Variants in SLC6A15 observed in about 807,000 individuals in gnomAD.
SLC6A15 encodes sodium-dependent neutral amino acid transporter B(0)AT2.
A neutral mutation model predicts 68.5 loss-of-function variants in SLC6A15; 33 were observed. That is an observed-to-expected ratio of 0.48 (90% CI 0.37 to 0.64). The LOEUF (loss-of-function observed/expected upper bound fraction) is 0.64, where lower values mean the gene tolerates loss of function less well. Among genes scored for constraint, SLC6A15 ranks in the 30% least tolerant of loss-of-function variants. SLC6A15 has a pLI of 0.00. For missense variants in SLC6A15, 747 were observed against 874.3 expected (o/e 0.85, Z 1.84); for synonymous variants, 347 against 301.0 (o/e 1.15, Z -1.58).
chr12:84,881,574 C>T (rs1235667109), intron 5 of SLC6A15: 2 of 985,250 alleles, frequency 2.0e-6, no homozygotes, highest in Non-Finnish European at 2.4e-6. Context: ...TCTTTTAATT[C>T]ATGCAGTTTC....
In SLC6A15 at chr12:84,861,879, G is replaced by C; in HGVS notation, c.1946C>G (p.Ser649Cys). 1.9e-6 allele frequency: 3 copies of C among 1,613,904 alleles called. No homozygotes were observed. The highest frequency in any genetic ancestry group is 2.5e-6 in the Non-Finnish European group (3 of 1,179,928). Residue 649 changes from serine (S) to cysteine (C), a missense_variant, in exon 12 of 12, where the codon TCT becomes TGT. Transcript: ENST00000266682. Reference sequence around the variant, plus strand: ...ATAGGTCACAGATGCTAAATTACCAGAACTATCATCTATAAGGTTGAAGCG... The same window carrying C: ...ATAGGTCACAGATGCTAAATTACCACAACTATCATCTATAAGGTTGAAGCG... ...VRRFNLIDDS[S>C]GNLASVTYKR...
chr12:84,892,421 G>A (rs948088277), intron 1 of SLC6A15, 113 bp from the exon 2 acceptor site: 3 of 205,122 alleles, frequency 1.5e-5, no homozygotes, highest in African/African-American at 6.9e-5. Context: ...TATAAAACAT[G>A]TAACTGTCTT....
chr12:84,899,488 G>T lies in SLC6A15; in HGVS notation c.-188-7180C>A, dbSNP rs949584218. Among the ~76,000 whole-genome samples the T allele has an allele frequency of 2.6e-5, 4 of 152,154 alleles. No homozygotes were observed. The East Asian group carries it at 7.7e-4, about 29-fold the overall frequency. ...AGGCTGTAAATACTACCGTAGTCAT[G>T]GACATTGGTTCCTAGTTTTCAGAAC... On this transcript the variant is annotated intron_variant, in intron 1 of 11. Coordinates refer to ENST00000266682, the MANE Select transcript of SLC6A15 (RefSeq NM_182767.6).
intron 1 of SLC6A15, among the ~76,000 whole-genome samples, chr12:84,902,700 G>A (rs1872942283): frequency 6.6e-6 from 1 of 151,906 alleles, no homozygotes; most frequent in South Asian, 2.1e-4. Context: ...CAACTTGCAT[G>A]TACCTAAAGG....
At position 84,888,888 on chromosome 12, in the gene SLC6A15, T is replaced by C. The variant is rs1276894367; in HGVS notation, c.290-2820A>G. On this transcript the variant is annotated intron_variant, in intron 2 of 11. Transcript: ENST00000266682. ...TTACTCCTGTCTCCCACTCTTTTTT[T>C]GTCCCTGAAGCAAGTCACAGACACA... is the stretch of plus-strand genomic sequence containing the variant. Among the ~76,000 whole-genome samples, 5 of 152,198 alleles carry C rather than the reference T, an allele frequency of 3.3e-5. No homozygotes were observed. In the East Asian group the frequency reaches 5.8e-4, roughly 18 times the overall value.
intron 2 of SLC6A15, among the ~76,000 whole-genome samples, chr12:84,889,958 T>C: frequency 6.6e-6 from 1 of 152,232 alleles, no homozygotes; most frequent in East Asian, 1.9e-4. Flanking sequence ...TACCTTTTTT[T>C]TCTATTACTC....
rs994021465 is a variant in SLC6A15, at chr12:84,886,167, T to C, written c.290-99A>G. ...TAAAGATAATATTTGAATTACTATA[T>C]AGTGCAATTATGGAGAGCTCTGAAG... On this transcript the variant is annotated intron_variant, in intron 2 of 11. Transcript: ENST00000266682. 5.9e-5 allele frequency: 46 copies of C among 774,072 alleles called. No homozygotes were observed. The East Asian group carries it at 1.1e-3, about 19-fold the overall frequency. 48.0% of individuals were successfully genotyped at this position (774,072 alleles called of 1,614,324 possible).
At chr12:84,885,397 T>A (rs1211201396) in intron 4 of SLC6A15, 38 bp downstream of exon 4, 2 of 1,533,892 alleles carry the variant, frequency 1.3e-6, no homozygotes, top group East Asian at 2.4e-5. Context: ...ACTCTTATAA[T>A]GCTTAAATAC....
intron 6 of SLC6A15, among the ~76,000 whole-genome samples, chr12:84,875,462 G>T (rs1381768099): frequency 6.6e-6 from 1 of 151,596 alleles, no homozygotes; most frequent in African/African-American, 2.4e-5. Flanking sequence ...CAAGGCAGCC[G>T]CCAGGAGTGA....
intron 10 of SLC6A15, 84 bp downstream of exon 10, chr12:84,866,950 C>G: frequency 8.4e-7 from 1 of 1,189,464 alleles, no homozygotes; most frequent in Non-Finnish European, 1.1e-6. Context: ...TCATTTATTT[C>G]CTCTTCTAAA....
At position 84,873,282 on chromosome 12, in the gene SLC6A15, T is replaced by C; in HGVS notation, c.914A>G (p.Gln305Arg). 1 of 1,614,086 alleles carries C rather than the reference T, an allele frequency of 6.2e-7. No individual in the cohort carries two copies. The highest frequency in any genetic ancestry group is 8.5e-7 in the Non-Finnish European group (1 of 1,179,976). Residue 305 changes from glutamine (Q) to arginine (R), a missense_variant, in exon 7 of 12, where the codon CAA (glutamine) becomes CGA (arginine). Gln to Arg is a conservative substitution (Grantham distance 43). Coordinates refer to ENST00000266682, the MANE Select transcript of SLC6A15 (RefSeq NM_182767.6). ...TCCCAGACCTAAGGCAAAGAACACT[T>C]GAGTAGCAGCTTCTCTCCAGACCTT... ...EPKVWREAATQVFFALGLGFG... is the reference protein window; with the variant it reads ...EPKVWREAATRVFFALGLGFG...
At chr12:84,870,328 T>A in intron 9 of SLC6A15, 150 bp downstream of exon 9, 1 of 305,092 alleles carries the variant, frequency 3.3e-6, no homozygotes, top group Non-Finnish European at 5.8e-6. Context: ...TAAAATAAAA[T>A]AAATTATACA....
At chr12:84,911,074 G>T (rs1348803591) in intron 1 of SLC6A15, among the ~76,000 whole-genome samples, 2 of 152,140 alleles carry the variant, frequency 1.3e-5, no homozygotes, top group Non-Finnish European at 2.9e-5. Flanking sequence ...GACATAAATA[G>T]GTCTGTGTTT....
chr12:84,866,900 C>T, intron 10 of SLC6A15, 134 bp downstream of exon 10: 1 of 709,494 alleles, frequency 1.4e-6, no homozygotes, highest in South Asian at 3.0e-5. Flanking sequence ...CAGTGAGAGC[C>T]TGCAAAAGGT....
At chr12:84,898,265 A>T (rs1465176241) in intron 1 of SLC6A15, among the ~76,000 whole-genome samples, 2 of 152,036 alleles carry the variant, frequency 1.3e-5, no homozygotes, top group African/African-American at 4.8e-5. Flanking sequence ...CACTTGAGCC[A>T]GGAGGTGGAT....
At position 84,861,877 on chromosome 12, in the gene SLC6A15, C is replaced by T. The variant is rs1870866542; in HGVS notation, c.1948G>A (p.Gly650Ser). 1.9e-6 allele frequency: 3 copies of T among 1,613,918 alleles called. No homozygotes were observed. The African/African-American group carries it at 4.0e-5, about 22-fold the overall frequency. Residue 650 changes from glycine to serine, a missense_variant, in exon 12 of 12, where the codon GGT (glycine) becomes AGT (serine). By Grantham distance (56) the Gly-to-Ser change is moderately conservative (BLOSUM62 0). Transcript: ENST00000266682. ...TTATAGGTCACAGATGCTAAATTACCAGAACTATCATCTATAAGGTTGAAG... is the reference window on the plus strand; with the variant it reads ...TTATAGGTCACAGATGCTAAATTACTAGAACTATCATCTATAAGGTTGAAG... ...RRFNLIDDSS[G>S]NLASVTYKRG...
At chr12:84,892,376 T>C in intron 1 of SLC6A15, 68 bp from the exon 2 acceptor site, 1 of 304,716 alleles carries the variant, frequency 3.3e-6, no homozygotes, top group Non-Finnish European at 5.9e-6. Context: ...GAATTATTCT[T>C]TTTTATTTTT....
chr12:84,869,123 T>C (rs556348963), intron 9 of SLC6A15, among the ~76,000 whole-genome samples: 6 of 152,052 alleles, frequency 3.9e-5, no homozygotes, highest in African/African-American at 1.4e-4. Flanking sequence ...TAAAGGTATA[T>C]ATTTGAGACT....
chr12:84,873,162 GA>G lies in SLC6A15; in HGVS notation c.1033del (p.Ser345LeufsTer19), dbSNP rs778420153. On this transcript the variant is annotated frameshift_variant, in exon 7 of 12. Transcript: ENST00000266682. LOFTEE classifies it high-confidence loss of function. Reference sequence around the variant, plus strand: ...AAACACCACCAATGTTGCCAGGACAGAAGTGAAAAAATTGATGAAGGACACC... The same window carrying G: ...AAACACCACCAATGTTGCCAGGACAGAGTGAAAAAATTGATGAAGGACACC... ...VLVSFINFFT[S>X]VLATLVVFAV... 2 of 1,614,082 alleles carry G rather than the reference GA, an allele frequency of 1.2e-6. No individual in the cohort carries two copies. Among genetic ancestry groups the G allele is most frequent in the East Asian group, 2.2e-5 (1 of 44,858 alleles).
Sources: allele counts gnomAD v4.1 joint callset (sites outside exome capture counted in the v4.1 genomes callset), GRCh38; gene constraint gnomAD v4.1.1; transcripts MANE v1.5; gene names NCBI Gene and HGNC (gene_info 2026-07-23, HGNC 2026-07-21).